The following RNF6 variants were observed in gnomAD, a reference collection of about 807,000 sequenced individuals.
The protein encoded by RNF6 is ring finger protein 6.
A neutral mutation model predicts 50.1 loss-of-function variants in RNF6; 21 were observed. That is an observed-to-expected ratio of 0.42 (90% CI 0.30 to 0.60). The LOEUF (loss-of-function observed/expected upper bound fraction) is 0.60. Among genes scored for constraint, RNF6 ranks in the 20% least tolerant of loss-of-function variants. The pLI, the probability that RNF6 is intolerant of heterozygous loss-of-function variation, is 0.20. For synonymous variants in RNF6, 255 were observed against 291.8 expected (o/e 0.87, Z 1.29); for missense variants, 698 against 838.2 (o/e 0.83, Z 2.07).
intron 5 of RNF6, among the ~76,000 whole-genome samples, chr13:26,149,511 C>T (rs866868290): frequency 2.0e-5 from 3 of 151,606 alleles, no homozygotes; most frequent in East Asian, 1.9e-4. Flanking sequence ...AGCGTGAACC[C>T]GGGAGGCGGA....
intron 5 of RNF6, among the ~76,000 whole-genome samples, chr13:26,133,896 T>G (rs1870515509): frequency 6.6e-6 from 1 of 152,232 alleles, no homozygotes; most frequent in African/African-American, 2.4e-5. Context: ...TTTTGATATA[T>G]ATGACGAAGA....
chr13:26,136,613 G>A (rs539006223), intron 5 of RNF6, among the ~76,000 whole-genome samples: 11 of 152,292 alleles, frequency 7.2e-5, no homozygotes, highest in Admixed American at 4.6e-4. Flanking sequence ...AAGTTTATTG[G>A]ATCTTAAACT....
At chr13:26,195,793 C>G (rs1337253555) in intron 5 of RNF6, among the ~76,000 whole-genome samples, 1 of 152,182 alleles carries the variant, frequency 6.6e-6, no homozygotes, top group Non-Finnish European at 1.5e-5. Flanking sequence ...CCTTCTTACA[C>G]ACCCACACCC....
At position 26,187,630 on chromosome 13, in the gene RNF6, G is replaced by T. The variant is rs1593176006; in HGVS notation, n.768+27844C>A. On this transcript the variant is annotated intron_variant and non_coding_transcript_variant, in intron 5 of 5. Coordinates refer to the RNF6 transcript ENST00000468480. ...TTAATGGTTAAGTAACGTACCCAAG[G>T]TCTTATTGCCAATCAGTGGCAAAGT... Among the ~76,000 whole-genome samples, 3 of 152,324 alleles carry T rather than the reference G, an allele frequency of 2.0e-5. No homozygotes were observed. In the South Asian group the frequency reaches 6.2e-4, roughly 32 times the overall value.
At chr13:26,218,000 A>G (rs1376668528) in intron 4 of RNF6, among the ~76,000 whole-genome samples, 6 of 152,362 alleles carry the variant, frequency 3.9e-5, no homozygotes, top group Non-Finnish European at 8.8e-5. Flanking sequence ...TGAGGAGGGA[A>G]GTAGAACTGG....
chr13:26,195,959 A>T, intron 5 of RNF6, among the ~76,000 whole-genome samples: 1 of 152,216 alleles, frequency 6.6e-6, no homozygotes, highest in East Asian at 1.9e-4. Context: ...CTAATGGAAA[A>T]ATTTCAAACA....
Position 26,215,403 on chromosome 13 carries a change from C to T in RNF6, c.479G>A (p.Arg160Lys), listed in dbSNP as rs1869767502. ...SLEIHVNHEN[R>K]GFEIHGEDYT... ...ATCTTCTCCATGAATTTCAAATCCT[C>T]TATTTTCATGATTTACGTGGATTTC... The change falls in exon 5 of 5, where the codon AGA (arginine) becomes AAA (lysine). Residue 160 changes from arginine (R) to lysine (K), a missense_variant. Physicochemically the swap from Arg to Lys is conservative, Grantham distance 26. Coordinates refer to ENST00000381588, the MANE Select transcript of RNF6 (RefSeq NM_005977.4). 1.2e-6 allele frequency: 2 copies of T among 1,614,110 alleles called. No homozygotes were observed. The highest frequency in any genetic ancestry group is 2.2e-5 in the South Asian group (2 of 91,084).
chr13:26,139,273 A>T (rs1382970336), intron 5 of RNF6, among the ~76,000 whole-genome samples: 1 of 152,132 alleles, frequency 6.6e-6, no homozygotes, highest in Non-Finnish European at 1.5e-5. Flanking sequence ...CATAGCCCAG[A>T]GCTCACTGGA....
At chr13:26,147,784 A>G (rs1365782199) in intron 5 of RNF6, among the ~76,000 whole-genome samples, 1 of 152,212 alleles carries the variant, frequency 6.6e-6, no homozygotes, top group Admixed American at 6.5e-5. Context: ...GCTACAGGAC[A>G]CAAGAGTCTC....
At chr13:26,195,656 G>C (rs960519411) in intron 5 of RNF6, among the ~76,000 whole-genome samples, 2 of 152,044 alleles carry the variant, frequency 1.3e-5, no homozygotes, top group African/African-American at 4.8e-5. Context: ...AAGTCAAAAG[G>C]CTAAGTAACT....
chr13:26,144,460 T>G (rs1478235261), intron 5 of RNF6, among the ~76,000 whole-genome samples: 1 of 152,074 alleles, frequency 6.6e-6, no homozygotes, highest in Non-Finnish European at 1.5e-5. Context: ...TTTCCAATTA[T>G]ATTTCTTCCT....
At chr13:26,180,139 C>T (rs1302271275) in intron 5 of RNF6, among the ~76,000 whole-genome samples, 1 of 152,218 alleles carries the variant, frequency 6.6e-6, no homozygotes, top group Non-Finnish European at 1.5e-5. Flanking sequence ...GCCATCTTGG[C>T]TAGTGAGCCC....
At chr13:26,205,865 A>C (rs942564740) in intron 5 of RNF6, among the ~76,000 whole-genome samples, 1 of 152,170 alleles carries the variant, frequency 6.6e-6, no homozygotes, top group East Asian at 1.9e-4. Flanking sequence ...TACAAAATTT[A>C]GCTGAGTGTG....
At chr13:26,154,245 A>G (rs1871789117) in intron 5 of RNF6, 2 of 152,260 alleles carry the variant, frequency 1.3e-5, no homozygotes, top group Admixed American at 6.5e-5. Flanking sequence ...GAAAACAGGG[A>G]AAGTTAGTTA....
chr13:26,212,196 T>C (rs1454476580), downstream of RNF6, among the ~76,000 whole-genome samples: 1 of 152,176 alleles, frequency 6.6e-6, no homozygotes, highest in Admixed American at 6.5e-5. Flanking sequence ...GATCCTACCC[T>C]ATGCCACTAA....
At chr13:26,147,364 A>T (rs989273086) in intron 5 of RNF6, among the ~76,000 whole-genome samples, 13 of 152,174 alleles carry the variant, frequency 8.5e-5, no homozygotes, top group Admixed American at 5.2e-4. Flanking sequence ...TTGCAAGGCA[A>T]CTCTCTCAGA....
chr13:26,220,056 A>G (rs915073886), intron 2 of RNF6, among the ~76,000 whole-genome samples: 4 of 152,214 alleles, frequency 2.6e-5, no homozygotes, highest in African/African-American at 9.6e-5. Flanking sequence ...AATTATGCAC[A>G]TTCTTCACTT....
chr13:26,188,327 C>G (rs914623341), intron 5 of RNF6, among the ~76,000 whole-genome samples: 8 of 152,228 alleles, frequency 5.3e-5, no homozygotes, highest in African/African-American at 1.9e-4. Context: ...CTCCACCCCA[C>G]TTGTGACAGA....
In RNF6 at chr13:26,215,002, T is replaced by A; in HGVS notation, c.880A>T (p.Thr294Ser). 5 of 1,614,242 alleles carry A rather than the reference T, an allele frequency of 3.1e-6. No individual in the cohort carries two copies. Among genetic ancestry groups the A allele is most frequent in the Non-Finnish European group, 4.2e-6 (5 of 1,180,042 alleles). Residue 294 changes from threonine (T) to serine (S), a missense_variant, in exon 5 of 5, where the codon ACA becomes TCA. Transcript: ENST00000381588. ...GARSNVTVRN[T>S]NQRLEPIRLR... The stretch of plus-strand genomic sequence containing the variant: ...CTTATTGGCTCTAATCTTTGGTTTG[T>A]ATTCCTCACTGTAACATTACTTCTA...
Sources: gnomAD v4.1 joint callset for allele counts (sites outside exome capture counted in the v4.1 genomes callset) on GRCh38, gnomAD v4.1.1 for gene constraint, MANE v1.5 for transcripts, NCBI Gene and HGNC (gene_info 2026-07-23, HGNC 2026-07-21) for gene names.